The following FOXN3 variants were observed in gnomAD, a reference collection of about 807,000 sequenced individuals.
FOXN3 encodes the protein forkhead box protein N3.
In FOXN3, 7 loss-of-function variants were observed where a neutral mutation model predicts 38.4. The ratio of observed to expected loss-of-function variants is 0.18; its 90% confidence interval spans 0.10 to 0.34. The LOEUF is 0.34. FOXN3 is among the 10% of genes least tolerant of loss of function. The probability of loss-of-function intolerance (pLI) is 1.00; values close to 1 mark genes in which losing one functional copy is unlikely to be tolerated. For missense variants in FOXN3, 456 were observed against 613.4 expected, an observed-to-expected ratio of 0.74 and a Z score of 2.71; for synonymous variants, 230 against 242.2, an observed-to-expected ratio of 0.95 and a Z score of 0.47.
intron 1 of FOXN3, among the ~76,000 whole-genome samples, chr14:89,468,472 CACAT>C (rs1893027994): frequency 1.3e-5 from 2 of 152,032 alleles, no homozygotes; most frequent in African/African-American, 4.8e-5. Flanking sequence ...CACACACACA[CACAT>C]ACACACACAC....
chr14:89,231,302 T>C (rs970362469), intron 4 of FOXN3, among the ~76,000 whole-genome samples: 4 of 152,184 alleles, frequency 2.6e-5, no homozygotes, highest in African/African-American at 9.7e-5. Context: ...TCCCATATAA[T>C]GTTAGAACTT....
chr14:89,511,415 CCT>C (rs1894091206), intron 1 of FOXN3, among the ~76,000 whole-genome samples: 2 of 151,264 alleles, frequency 1.3e-5, no homozygotes, highest in African/African-American at 2.4e-5. Context: ...ACCTAAGCCC[CCT>C]GAGTAGCTAG....
chr14:89,502,062 G>C (rs567515547), intron 1 of FOXN3, among the ~76,000 whole-genome samples: 43 of 152,216 alleles, frequency 2.8e-4, no homozygotes, highest in African/African-American at 7.5e-4. Flanking sequence ...CAGCTACGCG[G>C]GAGGCCTAAG....
intron 3 of FOXN3, among the ~76,000 whole-genome samples, chr14:89,297,495 G>A (rs1392751118): frequency 6.6e-6 from 1 of 150,982 alleles, no homozygotes; most frequent in Non-Finnish European, 1.5e-5. Context: ...GGGAGGCGGA[G>A]CTTGCAGTGA....
Position 89,161,587 on chromosome 14 carries a change from G to GTGTA in FOXN3, c.*826_*827insTACA. ...TGTGTGTGTGTGTGTGTGTGTGTGT[G>GTGTA]TGTGTGTGTGCGTGCGTGCACAGGG... On this transcript the variant is annotated 3_prime_UTR_variant, in exon 6 of 6. Transcript: ENST00000557258. The GTGTA allele has an allele frequency of 6.9e-6, 1 of 145,372 alleles. No homozygotes were observed. Among genetic ancestry groups the GTGTA allele is most frequent in the Non-Finnish European group, 1.5e-5 (1 of 64,826 alleles). The allele number at this position is 145,372 out of a possible 1,614,324, so 9.0% of individuals were successfully genotyped here. A position where few individuals can be genotyped will look rare whatever the true frequency, so the allele number is the denominator to read the frequency against.
At chr14:89,584,904 T>G (rs548325738) in intron 1 of FOXN3, among the ~76,000 whole-genome samples, 1 of 152,116 alleles carries the variant, frequency 6.6e-6, no homozygotes, top group South Asian at 2.1e-4. Context: ...TAGAGATGGA[T>G]GGGGTTTTAC....
At chr14:89,546,122 TTAGCTCCA>T (rs1347589210) in intron 1 of FOXN3, among the ~76,000 whole-genome samples, 1 of 152,112 alleles carries the variant, frequency 6.6e-6, no homozygotes, top group African/African-American at 2.4e-5. Context: ...GATCAAACTG[TTAGCTCCA>T]AGATGTAGAA....
chr14:89,360,210 G>A (rs796113001), intron 2 of FOXN3, among the ~76,000 whole-genome samples: 8 of 152,222 alleles, frequency 5.3e-5, no homozygotes, highest in African/African-American at 1.9e-4. Flanking sequence ...CTCTGGACCT[G>A]GCTCTGGCTC....
chr14:89,553,634 T>C (rs1596315647), intron 1 of FOXN3, among the ~76,000 whole-genome samples: 1 of 151,914 alleles, frequency 6.6e-6, no homozygotes. Flanking sequence ...TGGAGATGAA[T>C]TCCCCCGGCA....
chr14:89,558,555 GT>G (rs1160754833), intron 1 of FOXN3, among the ~76,000 whole-genome samples: 1 of 152,212 alleles, frequency 6.6e-6, no homozygotes, highest in Non-Finnish European at 1.5e-5. Context: ...TAGGAACCTG[GT>G]TACCAGTCTG....
intron 3 of FOXN3, among the ~76,000 whole-genome samples, chr14:89,325,625 A>C (rs1888059498): frequency 6.6e-6 from 1 of 152,216 alleles, no homozygotes; most frequent in African/African-American, 2.4e-5. Context: ...TGTACAGAGG[A>C]CATGACTTGT....
At chr14:89,281,340 T>C (rs894957939) in intron 3 of FOXN3, among the ~76,000 whole-genome samples, 1 of 152,204 alleles carries the variant, frequency 6.6e-6, no homozygotes, top group African/African-American at 2.4e-5. Flanking sequence ...AACCTATTCA[T>C]AATTTCATGA....
At chr14:89,191,377 G>A (rs961423783) in intron 4 of FOXN3, among the ~76,000 whole-genome samples, 12 of 152,154 alleles carry the variant, frequency 7.9e-5, no homozygotes, top group Non-Finnish European at 1.6e-4. Flanking sequence ...CGGTGATGCC[G>A]CGTGACAGAA....
At chr14:89,366,344 A>G (rs146215165) in intron 2 of FOXN3, among the ~76,000 whole-genome samples, 152 of 152,196 alleles carry the variant, frequency 1.0e-3, no homozygotes, top group African/African-American at 3.6e-3. Flanking sequence ...ATGTACAATG[A>G]TGTGGTAAAC....
intron 1 of FOXN3, among the ~76,000 whole-genome samples, chr14:89,512,433 G>C (rs2139810309): frequency 6.6e-6 from 1 of 152,334 alleles, no homozygotes; most frequent in Non-Finnish European, 1.5e-5. Flanking sequence ...GATTGGACAA[G>C]ACAAAGGAAA....
intron 3 of FOXN3, among the ~76,000 whole-genome samples, chr14:89,341,963 C>T (rs1404771776): frequency 6.6e-6 from 1 of 152,152 alleles, no homozygotes; most frequent in African/African-American, 2.4e-5. Flanking sequence ...GCAAAGACTC[C>T]AGGCACCTAC....
chr14:89,408,916 A>T (rs1345149622), intron 2 of FOXN3, among the ~76,000 whole-genome samples: 1 of 152,144 alleles, frequency 6.6e-6, no homozygotes, highest in Non-Finnish European at 1.5e-5. Flanking sequence ...ATAGAGCTAA[A>T]GGAGCTTTCA....
chr14:89,613,078 T>C (rs1163423056), intron 1 of FOXN3, among the ~76,000 whole-genome samples: 3 of 141,200 alleles, frequency 2.1e-5, no homozygotes, highest in South Asian at 2.2e-4. Context: ...GATCGCGCCA[T>C]TGCAGTCCTG....
In FOXN3 at chr14:89,548,714, T is replaced by C. The variant is rs1894936619; in HGVS notation, c.-15+70314A>G. ...ATGTATGTATGTATATATGCCTATA[T>C]ATTACAAGATCTAGGTAGCCTAACA... On this transcript the variant is annotated intron_variant, in intron 1 of 6. Transcript: ENST00000345097. The surrounding 1 kb of genome is among the most constrained non-coding windows in gnomAD (Gnocchi z 4.8). 6.6e-6 allele frequency among the ~76,000 whole-genome samples: 1 copy of C among 152,234 alleles called. No homozygotes were observed. Among genetic ancestry groups the C allele is most frequent in the Admixed American group, 6.5e-5 (1 of 15,282 alleles).
Sources: gnomAD v4.1 joint callset for allele counts (sites outside exome capture counted in the v4.1 genomes callset) on GRCh38, gnomAD v4.1.1 for gene constraint, Gnocchi (gnomAD v3.1) non-coding constraint, MANE v1.5 for transcripts, NCBI Gene and HGNC (gene_info 2026-07-23, HGNC 2026-07-21) for gene names.